BCAT1: variants seen among roughly 807,000 people sequenced by gnomAD.
BCAT1 encodes the protein branched chain amino acid transaminase 1, also known as branched-chain-amino-acid aminotransferase, cytosolic.
A neutral mutation model predicts 52.4 loss-of-function variants in BCAT1; 48 were observed. The observed-to-expected ratio is 0.92, with a 90% CI of 0.73 to 1.16. The LOEUF is 1.16. Ranked by LOEUF, BCAT1 falls within the 50% of genes most tolerant of loss-of-function variation. The probability of loss-of-function intolerance (pLI) is 0.00; values close to 1 mark genes in which losing one functional copy is unlikely to be tolerated. For synonymous variants in BCAT1, 167 were observed against 161.3 expected (o/e 1.04, Z -0.27); for missense variants, 451 against 457.1 (o/e 0.99, Z 0.12).
In BCAT1 at chr12:24,876,305, T is replaced by C. The variant is rs556181393; in HGVS notation, c.510+2225A>G. 3.5e-5 allele frequency among the ~76,000 whole-genome samples: 5 copies of C among 141,900 alleles called. No homozygotes were observed. In the East Asian group the frequency reaches 1.0e-3, roughly 29 times the overall value. 93.1% of individuals were successfully genotyped at this position (141,900 alleles called of 152,430 possible). A position where few individuals can be genotyped will look rare whatever the true frequency, so the allele number is the denominator to read the frequency against. ...AAAGAAAAGAAAAATGAAAACTAGA[T>C]CAATATATTTCATGAACAGTGAAAC... is the stretch of plus-strand genomic sequence containing the variant. On this transcript the variant is annotated intron_variant, in intron 5 of 10. Transcript: ENST00000261192.
intron 1 of BCAT1, among the ~76,000 whole-genome samples, chr12:24,925,736 C>T (rs571148599): frequency 7.2e-5 from 11 of 151,956 alleles, no homozygotes; most frequent in East Asian, 3.9e-4. Flanking sequence ...ATTGCAGGCG[C>T]GCGCCACCAT....
chr12:24,939,503 C>T (rs187907276), intron 1 of BCAT1, among the ~76,000 whole-genome samples: 3 of 152,226 alleles, frequency 2.0e-5, no homozygotes, highest in East Asian at 1.9e-4. Context: ...TACAACACTT[C>T]GGAAATACTG....
At chr12:24,941,762 T>C (rs979337756) in intron 1 of BCAT1, among the ~76,000 whole-genome samples, 1 of 152,238 alleles carries the variant, frequency 6.6e-6, no homozygotes, top group Non-Finnish European at 1.5e-5. Context: ...TGTAAATCTA[T>C]GCATACCTTC....
At chr12:24,866,542 G>C (rs1223237058) in intron 5 of BCAT1, among the ~76,000 whole-genome samples, 2 of 152,220 alleles carry the variant, frequency 1.3e-5, no homozygotes, top group African/African-American at 4.8e-5. Flanking sequence ...AAGATACACT[G>C]GGTGAAGCCA....
intron 1 of BCAT1, among the ~76,000 whole-genome samples, chr12:24,933,477 G>A (rs1361884033): frequency 6.6e-6 from 1 of 152,090 alleles, no homozygotes; most frequent in African/African-American, 2.4e-5. Context: ...TTGCAGGAGA[G>A]CTGCAACTTT....
chr12:24,881,047 C>T (rs1468256389), intron 4 of BCAT1, among the ~76,000 whole-genome samples: 1 of 152,152 alleles, frequency 6.6e-6, no homozygotes, highest in Non-Finnish European at 1.5e-5. Context: ...GTTGGCCAGG[C>T]TTGTCTCCAA....
chr12:24,886,568 A>G (rs1391386817), intron 3 of BCAT1, among the ~76,000 whole-genome samples: 1 of 152,238 alleles, frequency 6.6e-6, no homozygotes, highest in African/African-American at 2.4e-5. Flanking sequence ...TTAAGTATGT[A>G]AAAGCACTTT....
Position 24,816,719 on chromosome 12 carries a change from G to T in BCAT1, c.*1289C>A. On this transcript the variant is annotated 3_prime_UTR_variant, in exon 11 of 11. Coordinates refer to ENST00000261192, the MANE Select transcript of BCAT1 (RefSeq NM_005504.7). The stretch of plus-strand genomic sequence containing the variant: ...GGTCCCCAACATTTTTGGCACCAGG[G>T]ACCAGTTTTGTGGAAGACAATTTTT... 2.5e-6 allele frequency: 1 copy of T among 395,446 alleles called. No homozygotes were observed. Among genetic ancestry groups the T allele is most frequent in the South Asian group, 1.4e-4 (1 of 7,236 alleles). 24.5% of individuals were successfully genotyped at this position (395,446 alleles called of 1,614,324 possible).
Position 24,903,086 on chromosome 12 carries a change from G to A in BCAT1, c.7-1201C>T, listed in dbSNP as rs951743996. On this transcript the variant is annotated intron_variant, in intron 1 of 10. Transcript: ENST00000261192. ...GCGGTGTGGCCAAGCCCCGGCGCAC[G>A]GCCCATAGGGCGCTGGGTACCACGA... 8 of 1,368,988 alleles carry A rather than the reference G, an allele frequency of 5.8e-6. No homozygotes were observed. In the East Asian group the frequency reaches 2.2e-4, roughly 37 times the overall value. The allele number at this position is 1,368,988 out of a possible 1,614,324, so 84.8% of individuals were successfully genotyped here. A position where few individuals can be genotyped will look rare whatever the true frequency, so the allele number is the denominator to read the frequency against.
intron 7 of BCAT1, among the ~76,000 whole-genome samples, chr12:24,841,319 C>A (rs938301669): frequency 3.3e-5 from 5 of 152,104 alleles, no homozygotes; most frequent in African/African-American, 1.2e-4. Flanking sequence ...ACAATTACAG[C>A]CAGAGAGTAC....
intron 1 of BCAT1, among the ~76,000 whole-genome samples, chr12:24,930,219 T>C (rs544345002): frequency 1.3e-5 from 2 of 152,348 alleles, no homozygotes; most frequent in South Asian, 4.1e-4. Context: ...CCCACTGCAA[T>C]GATGCACATT....
At chr12:24,900,917 C>T (rs1156526899) in intron 2 of BCAT1, among the ~76,000 whole-genome samples, 1 of 152,180 alleles carries the variant, frequency 6.6e-6, no homozygotes, top group East Asian at 1.9e-4. Context: ...GGTGACAGAG[C>T]GAGACCCTGT....
intron 4 of BCAT1, among the ~76,000 whole-genome samples, chr12:24,880,849 T>TG (rs1565479664): frequency 6.9e-6 from 1 of 144,250 alleles, no homozygotes; most frequent in African/African-American, 2.6e-5. Context: ...TTTTTGTTTT[T>TG]TTTTTTTACA....
intron 4 of BCAT1, among the ~76,000 whole-genome samples, chr12:24,879,458 A>G (rs1186545041): frequency 1.3e-5 from 2 of 152,234 alleles, no homozygotes; most frequent in African/African-American, 4.8e-5. Context: ...GTAGAGAAAC[A>G]TACTTTCAGA....
At chr12:24,843,752 C>A (rs905714487) in intron 6 of BCAT1, among the ~76,000 whole-genome samples, 2 of 152,040 alleles carry the variant, frequency 1.3e-5, no homozygotes, top group Admixed American at 1.3e-4. Flanking sequence ...CTTGCCCTAC[C>A]ACAACTGATG....
chr12:24,902,193 A>C (rs1011890087), intron 1 of BCAT1: 1 of 1,433,482 alleles, frequency 7.0e-7, no homozygotes, highest in Non-Finnish European at 9.1e-7. Context: ...AGAACAAAAA[A>C]ACAATTGTCT....
intron 4 of BCAT1, among the ~76,000 whole-genome samples, chr12:24,879,168 G>A (rs1942428045): frequency 6.6e-6 from 1 of 152,084 alleles, no homozygotes. Context: ...CACAAATCAT[G>A]AAGGAAAAAA....
intron 5 of BCAT1, among the ~76,000 whole-genome samples, chr12:24,874,301 G>A (rs965828649): frequency 2.6e-5 from 4 of 152,126 alleles, no homozygotes; most frequent in African/African-American, 4.8e-5. Flanking sequence ...GCAACCAAGC[G>A]AGACTCTATC....
chr12:24,862,013 T>C (rs747868288), intron 5 of BCAT1, among the ~76,000 whole-genome samples: 5 of 152,220 alleles, frequency 3.3e-5, no homozygotes, highest in Non-Finnish European at 4.4e-5. Flanking sequence ...ACTTACCCTA[T>C]ATGGTCTAAA....
Sources: allele counts gnomAD v4.1 joint callset (sites outside exome capture counted in the v4.1 genomes callset), GRCh38; gene constraint gnomAD v4.1.1; transcripts MANE v1.5; gene names NCBI Gene and HGNC (gene_info 2026-07-23, HGNC 2026-07-21).